The following CHAF1A variants were observed in gnomAD, a reference collection of about 807,000 sequenced individuals.
CHAF1A encodes CAF-1 subunit A.
CHAF1A carries 5 observed loss-of-function variants against 93.2 expected under a neutral mutation model. The ratio of observed to expected loss-of-function variants is 0.05; its 90% CI spans 0.03 to 0.11. The LOEUF is 0.11. Among genes scored for constraint, CHAF1A ranks in the 10% least tolerant of loss-of-function variants. The pLI is 1.00. For synonymous variants in CHAF1A, 504 were observed against 510.3 expected (o/e 0.99, Z 0.17); for missense variants, 1,102 against 1,259.9 (o/e 0.87, Z 1.90).
chr19:4,439,628 T>G (rs917412529), intron 13 of CHAF1A, among the ~76,000 whole-genome samples: 4 of 152,236 alleles, frequency 2.6e-5, no homozygotes, highest in African/African-American at 9.6e-5. Context: ...CTGAAGAAAT[T>G]GGCATGTTCT....
intron 3 of CHAF1A, among the ~76,000 whole-genome samples, chr19:4,412,233 T>G (rs1973818282): frequency 6.6e-6 from 1 of 152,174 alleles, no homozygotes; most frequent in South Asian, 2.1e-4. Context: ...TCCTGTGATG[T>G]GAGCCATTTA....
Position 4,441,166 on chromosome 19 carries a change from A to C in CHAF1A, c.2674-1079A>C, listed in dbSNP as rs544464782. 4.7e-4 allele frequency among the ~76,000 whole-genome samples: 71 copies of C among 151,880 alleles called. 1 individual carries two copies. Among genetic ancestry groups the C allele is most frequent in the African/African-American group, 1.7e-3 (69 of 41,332 alleles). On this transcript the variant is annotated intron_variant, in intron 13 of 14. Transcript: ENST00000301280. ...ACCCCATCTCTACTAAAAATACAAA[A>C]ATTAGCCGGGTGTGGTGGCAGGTGG... is the stretch of plus-strand genomic sequence containing the variant.
At chr19:4,446,580 C>G (rs368841367), downstream of CHAF1A, 5 of 1,612,476 alleles carry the variant, frequency 3.1e-6, no homozygotes, top group Non-Finnish European at 3.4e-6. Flanking sequence ...AGGCCAGGGG[C>G]GAGGGCTGGA....
chr19:4,416,777 G>C (rs1204778960), intron 3 of CHAF1A, among the ~76,000 whole-genome samples: 4 of 152,054 alleles, frequency 2.6e-5, no homozygotes, highest in Non-Finnish European at 5.9e-5. Flanking sequence ...TATAATCCCA[G>C]CTACTCAAGA....
chr19:4,445,443 G>C, downstream of CHAF1A: 1 of 1,609,296 alleles, frequency 6.2e-7, no homozygotes, highest in African/African-American at 1.3e-5. Context: ...GCGGGGAGAG[G>C]AACAGGGAGA....
At chr19:4,417,749 C>T (rs1361901081) in intron 3 of CHAF1A, among the ~76,000 whole-genome samples, 1 of 152,220 alleles carries the variant, frequency 6.6e-6, no homozygotes, top group South Asian at 2.1e-4. Flanking sequence ...GCGTTAGCCA[C>T]CGCGCCCAGC....
chr19:4,402,940 C>G, intron 1 of CHAF1A, 126 bp downstream of exon 1: 1 of 452,144 alleles, frequency 2.2e-6, no homozygotes. Flanking sequence ...GGCGTTCACC[C>G]CCTGGGGCCT....
intron 3 of CHAF1A, among the ~76,000 whole-genome samples, chr19:4,410,696 TAA>T (rs1053361195): frequency 1.3e-5 from 2 of 152,184 alleles, no homozygotes; most frequent in Admixed American, 6.5e-5. Context: ...AAAAAATTTT[TAA>T]AAGTTATCCA....
chr19:4,445,863 G>A (rs372256170), downstream of CHAF1A: 32 of 1,080,398 alleles, frequency 3.0e-5, no homozygotes, highest in East Asian at 6.5e-4. Flanking sequence ...ACTGAGGCGT[G>A]GAGTAGTTAT....
At chr19:4,445,474 G>A, downstream of CHAF1A, 1 of 1,613,556 alleles carries the variant, frequency 6.2e-7, no homozygotes, top group Non-Finnish European at 8.5e-7. Context: ...GACCCACAGG[G>A]CTGAGGCCAA....
chr19:4,445,419 GA>G, downstream of CHAF1A: 1 of 1,589,692 alleles, frequency 6.3e-7, no homozygotes, highest in Non-Finnish European at 8.6e-7. Flanking sequence ...AGGTGGCTTG[GA>G]GGCCCTGGGG....
chr19:4,406,830 T>TG (rs1457675565), intron 2 of CHAF1A, among the ~76,000 whole-genome samples: 1 of 151,040 alleles, frequency 6.6e-6, no homozygotes, highest in African/African-American at 2.4e-5. Context: ...GAGGCTGGGG[T>TG]GGGAGGAGTG....
Position 4,432,225 on chromosome 19 carries a change from C to T in CHAF1A, c.2203+18C>T. 6.3e-7 allele frequency: 1 copy of T among 1,582,194 alleles called. No individual in the cohort carries two copies. Among genetic ancestry groups the T allele is most frequent in the Non-Finnish European group, 8.6e-7 (1 of 1,161,028 alleles). On this transcript the variant is annotated intron_variant, in intron 12 of 14. Transcript: ENST00000301280. Reference sequence around the variant, plus strand: ...CGAGCAGAGTGAGTGTGGGCGGGGCCAGGCCACCCACCTGTTCCTGGGCCC... The same window carrying T: ...CGAGCAGAGTGAGTGTGGGCGGGGCTAGGCCACCCACCTGTTCCTGGGCCC...
chr19:4,429,788 G>T lies in CHAF1A; in HGVS notation c.1854G>T (p.Gly618=). The T allele has an allele frequency of 6.2e-7, 1 of 1,611,744 alleles. No homozygotes were observed. Among genetic ancestry groups the T allele is most frequent in the Non-Finnish European group, 8.5e-7 (1 of 1,178,850 alleles). The part of the protein sequence containing the change: ...EPGESLSHSE[G]DDDDDMGEDE... ...GGGAGTCCCTGTCCCACAGTGAGGG[G>T]GTAAGGATGTGCCCCAGCTGTCTTC... Residue 618 remains glycine (G), a splice_region_variant and synonymous_variant, in exon 10 of 15, where the codon GGG becomes GGT. Transcript: ENST00000301280.
chr19:4,433,013 C>T lies in CHAF1A; in HGVS notation c.2204-57C>T, dbSNP rs543768299. ...CTTGTGTATGTGTTTTGTTTTTTGGCCTGTGGTGATGGGTGGCTCCCCAAG... is the reference window on the plus strand; with the variant it reads ...CTTGTGTATGTGTTTTGTTTTTTGGTCTGTGGTGATGGGTGGCTCCCCAAG... On this transcript the variant is annotated intron_variant, in intron 12 of 14. Transcript: ENST00000301280. This position sits in a 1 kb window ranked among gnomAD's most constrained non-coding sequence, Gnocchi z 5.6. The T allele has an allele frequency of 4.4e-5, 61 of 1,372,524 alleles. No homozygotes were observed. In the African/African-American group the frequency reaches 7.4e-4, roughly 17 times the overall value. 85.0% of individuals were successfully genotyped at this position (1,372,524 alleles called of 1,614,324 possible).
At chr19:4,432,587 C>G (rs928057116) in intron 12 of CHAF1A, among the ~76,000 whole-genome samples, 1 of 151,910 alleles carries the variant, frequency 6.6e-6, no homozygotes, top group Non-Finnish European at 1.5e-5. Context: ...ATGGCAAAAC[C>G]CCATCTCTGC....
At chr19:4,424,630 A>G (rs1255327071) in intron 7 of CHAF1A, among the ~76,000 whole-genome samples, 3 of 151,346 alleles carry the variant, frequency 2.0e-5, no homozygotes, top group Non-Finnish European at 4.4e-5. Flanking sequence ...ATGCCTGGCT[A>G]ATTTTTTATT....
In CHAF1A at chr19:4,422,063, G is replaced by A. The variant is rs1054386649; in HGVS notation, c.1018-503G>A. On this transcript the variant is annotated intron_variant, in intron 4 of 14. Transcript: ENST00000301280. The surrounding 1 kb of genome is among the most constrained non-coding windows in gnomAD (Gnocchi z 4.6). ...CTCACTCTGTCACTGATGCTGGAGT[G>A]CAGTGGCACCGTGTTGGCTCACTGC... Among the ~76,000 whole-genome samples the A allele has an allele frequency of 3.3e-5, 5 of 151,256 alleles. No individual in the cohort carries two copies. The highest frequency in any genetic ancestry group is 5.9e-5 in the Non-Finnish European group (4 of 67,842).
downstream of CHAF1A, chr19:4,448,299 A>G: frequency 6.3e-7 from 1 of 1,589,844 alleles, no homozygotes; most frequent in Non-Finnish European, 8.5e-7. Flanking sequence ...CAGGCAGGGC[A>G]AAGGGGCCAC....
Sources: allele counts gnomAD v4.1 joint callset (sites outside exome capture counted in the v4.1 genomes callset), GRCh38; gene constraint gnomAD v4.1.1; non-coding constraint Gnocchi (gnomAD v3.1); transcripts MANE v1.5; gene names NCBI Gene and HGNC (gene_info 2026-07-23, HGNC 2026-07-21).